HSD17B12: variants seen among roughly 807,000 people sequenced by gnomAD.
The protein encoded by HSD17B12 is very-long-chain 3-oxoacyl-CoA reductase.
A neutral mutation model predicts 39.3 loss-of-function variants in HSD17B12; 32 were observed. That is an observed-to-expected ratio of 0.81 (90% CI 0.61 to 1.09). HSD17B12 has a LOEUF of 1.09. HSD17B12 is among the 50% of genes least tolerant of loss of function. HSD17B12 has a pLI of 0.00. For missense variants in HSD17B12, 342 were observed against 382.9 expected (o/e 0.89, Z 0.89); for synonymous variants, 150 against 146.7 (o/e 1.02, Z -0.16).
chr11:43,621,160 C>T, the HSD17B12 span, among the ~76,000 whole-genome samples: 2 of 152,186 alleles, frequency 1.3e-5, no homozygotes, highest in African/African-American at 4.8e-5. Context: ...TGTGCAAATA[C>T]GCCTCTGGAC....
intron 1 of HSD17B12, among the ~76,000 whole-genome samples, chr11:43,698,854 G>T (rs144194657): frequency 6.6e-6 from 1 of 152,228 alleles, no homozygotes; most frequent in East Asian, 1.9e-4. Flanking sequence ...TTATTTTGGG[G>T]TCTGTTGCAA....
At chr11:43,587,205 T>C in the HSD17B12 span, among the ~76,000 whole-genome samples, 1 of 152,190 alleles carries the variant, frequency 6.6e-6, no homozygotes, top group Non-Finnish European at 1.5e-5. Context: ...CAAATGTTTA[T>C]TGAGTTTCTG....
At chr11:43,842,613 A>G (rs1951437599) in intron 9 of HSD17B12, among the ~76,000 whole-genome samples, 1 of 152,218 alleles carries the variant, frequency 6.6e-6, no homozygotes, top group African/African-American at 2.4e-5. Context: ...AGTAACAAGG[A>G]CACCAGTAAA....
At chr11:43,627,590 A>G in the HSD17B12 span, among the ~76,000 whole-genome samples, 1 of 152,002 alleles carries the variant, frequency 6.6e-6, no homozygotes, top group African/African-American at 2.4e-5. Context: ...TTTCTAAAAT[A>G]TATTTTCAGT....
chr11:43,770,727 C>T (rs1293534945), intron 3 of HSD17B12, among the ~76,000 whole-genome samples: 2 of 152,020 alleles, frequency 1.3e-5, no homozygotes, highest in Non-Finnish European at 2.9e-5. Flanking sequence ...AGAGTGAGAC[C>T]CTGTCTCAAA....
the HSD17B12 span, among the ~76,000 whole-genome samples, chr11:43,606,799 A>G: frequency 2.3e-4 from 35 of 152,242 alleles, no homozygotes; most frequent in African/African-American, 8.0e-4. Flanking sequence ...AGAGGCTTCC[A>G]ATGTGAGGCC....
chr11:43,690,153 C>G (rs1333285467), intron 1 of HSD17B12, among the ~76,000 whole-genome samples: 4 of 151,382 alleles, frequency 2.6e-5, no homozygotes, highest in Non-Finnish European at 5.9e-5. Context: ...ATTACCCTGC[C>G]CCACTTTTCC....
chr11:43,692,675 A>G (rs1409762426), intron 1 of HSD17B12, among the ~76,000 whole-genome samples: 3 of 152,360 alleles, frequency 2.0e-5, no homozygotes, highest in African/African-American at 7.2e-5. Flanking sequence ...TATTGGTAAG[A>G]CTAATTCGTG....
chr11:43,617,837 G>A, the HSD17B12 span, among the ~76,000 whole-genome samples: 5 of 152,116 alleles, frequency 3.3e-5, no homozygotes, highest in Admixed American at 6.5e-5. Flanking sequence ...AGGTACCATT[G>A]TCTGTTCCCT....
At chr11:43,704,296 G>A (rs1269115275) in intron 1 of HSD17B12, among the ~76,000 whole-genome samples, 1 of 152,202 alleles carries the variant, frequency 6.6e-6, no homozygotes, top group Non-Finnish European at 1.5e-5. Context: ...TGTGAGTAAA[G>A]TTTCTGCAAC....
the HSD17B12 span, among the ~76,000 whole-genome samples, chr11:43,588,062 C>T: frequency 6.6e-6 from 1 of 152,212 alleles, no homozygotes; most frequent in Non-Finnish European, 1.5e-5. Flanking sequence ...AAAGGTTTCA[C>T]CCCAGTTCTG....
the HSD17B12 span, among the ~76,000 whole-genome samples, chr11:43,575,458 C>T: frequency 1.3e-5 from 2 of 152,214 alleles, no homozygotes; most frequent in Non-Finnish European, 2.9e-5. The surrounding 1 kb of genome is among the most constrained non-coding windows in gnomAD (Gnocchi z 4.1). Flanking sequence ...AGGACGCGCG[C>T]GGGAGCGTGT....
chr11:43,850,250 C>T (rs1951517718), intron 9 of HSD17B12, among the ~76,000 whole-genome samples: 2 of 152,172 alleles, frequency 1.3e-5, no homozygotes, highest in African/African-American at 2.4e-5. Flanking sequence ...GTAATACGCA[C>T]TCCAAAACTA....
At chr11:43,758,317 A>G (rs1398546912) in intron 3 of HSD17B12, among the ~76,000 whole-genome samples, 1 of 152,170 alleles carries the variant, frequency 6.6e-6, no homozygotes, top group Non-Finnish European at 1.5e-5. Flanking sequence ...TTCAAGCCAG[A>G]GAACGCCAAT....
intron 1 of HSD17B12, among the ~76,000 whole-genome samples, chr11:43,742,390 C>T (rs1424114683): frequency 2.6e-5 from 4 of 152,018 alleles, no homozygotes; most frequent in African/African-American, 9.6e-5. Flanking sequence ...ATTCTTCCCA[C>T]CTCAGCCTCC....
At position 43,748,699 on chromosome 11, in the gene HSD17B12, G is replaced by T. The variant is rs567998039; in HGVS notation, c.161-2212G>T. Among the ~76,000 whole-genome samples the T allele has an allele frequency of 2.5e-4, 38 of 152,208 alleles. No homozygotes were observed. The South Asian group carries it at 4.1e-3, about 17-fold the overall frequency. On this transcript the variant is annotated intron_variant, in intron 1 of 10. Transcript: ENST00000278353. ...AAGATGCTCAGTTTTCTGTAATTAG[G>T]TTCTCCCACAAACATTTAAATCTGT... is the stretch of plus-strand genomic sequence containing the variant.
At chr11:43,789,390 ACTGTTGGG>A (rs1423663032) in intron 3 of HSD17B12, among the ~76,000 whole-genome samples, 3 of 152,200 alleles carry the variant, frequency 2.0e-5, no homozygotes, top group Non-Finnish European at 4.4e-5. Flanking sequence ...AGTACCAAGT[ACTGTTGGG>A]CTTTGAGTAA....
At chr11:43,729,062 T>A (rs1490006029) in intron 1 of HSD17B12, among the ~76,000 whole-genome samples, 1 of 152,204 alleles carries the variant, frequency 6.6e-6, no homozygotes, top group Non-Finnish European at 1.5e-5. Context: ...ATGTTGGTAT[T>A]GTAAACAGTG....
chr11:43,743,372 T>C lies in HSD17B12; in HGVS notation c.161-7539T>C, dbSNP rs188806972. ...GTCATCCCTCATCCCCAGTCACAGC[T>C]ATTGAAGGTGGTGGAGTGGTAACTG... On this transcript the variant is annotated intron_variant, in intron 1 of 10. Transcript: ENST00000278353. 8.5e-5 allele frequency among the ~76,000 whole-genome samples: 13 copies of C among 152,292 alleles called. No individual in the cohort carries two copies. In the East Asian group the frequency reaches 2.5e-3, roughly 29 times the overall value.
Sources: gnomAD v4.1 joint callset for allele counts (sites outside exome capture counted in the v4.1 genomes callset) on GRCh38, gnomAD v4.1.1 for gene constraint, Gnocchi (gnomAD v3.1) non-coding constraint, MANE v1.5 for transcripts, NCBI Gene and HGNC (gene_info 2026-07-23, HGNC 2026-07-21) for gene names.